TECTA: variants seen among roughly 807,000 people sequenced by gnomAD.
TECTA encodes alpha-tectorin.
A neutral mutation model predicts 216.8 loss-of-function variants in TECTA; 128 were observed. The observed-to-expected ratio is 0.59, with a 90% CI of 0.51 to 0.68. The LOEUF is 0.68. Ranked by LOEUF, TECTA falls within the 30% of genes least tolerant of loss-of-function variation. The probability of loss-of-function intolerance (pLI) is 0.00; values close to 1 mark genes in which losing one functional copy is unlikely to be tolerated. For synonymous variants in TECTA, 1,089 were observed against 1,117.1 expected, an observed-to-expected ratio of 0.97 and a Z score of 0.50; for missense variants, 2,551 against 2,786.2, an observed-to-expected ratio of 0.92 and a Z score of 1.90.
intron 13 of TECTA, 88 bp from the exon 14 acceptor site, chr11:121,157,753 G>A (rs2135119987): frequency 6.3e-7 from 1 of 1,598,238 alleles, no homozygotes; most frequent in East Asian, 2.2e-5. Context: ...GGCTAGCCAA[G>A]CCTGATAAAA....
rs147274543 is a variant in TECTA, at chr11:121,170,432, T to G, written c.5999+1507T>G. ...TTAGTGGGGTTTTTTTGTTTTGTTT[T>G]GTTTTGTTTGGTTTTGTTTTGTTTT... On this transcript the variant is annotated intron_variant, in intron 20 of 23. Transcript: ENST00000392793. Among the ~76,000 whole-genome samples the G allele has an allele frequency of 8.1e-3, 1,179 of 145,830 alleles. 22 individuals are homozygous for G. The highest frequency in any genetic ancestry group is 0.03 in the African/African-American group (1,058 of 35,696).
intron 4 of TECTA, among the ~76,000 whole-genome samples, chr11:121,110,992 C>T (rs985836165): frequency 2.6e-5 from 4 of 152,142 alleles, no homozygotes; most frequent in Non-Finnish European, 4.4e-5. Flanking sequence ...TCTTTCATCC[C>T]GTTATTCCAT....
At chr11:121,169,872 A>G (rs1947093749) in intron 20 of TECTA, among the ~76,000 whole-genome samples, 1 of 152,172 alleles carries the variant, frequency 6.6e-6, no homozygotes, top group African/African-American at 2.4e-5. Context: ...GGCATTTCAA[A>G]TCTTGTCTTC....
rs1403060921 is a variant in TECTA at position 121,105,009 on chromosome 11, G to A, written c.65-822G>A. 6.6e-6 allele frequency among the ~76,000 whole-genome samples: 1 copy of A among 152,170 alleles called. No homozygotes were observed. Among genetic ancestry groups the A allele is most frequent in the African/African-American group, 2.4e-5 (1 of 41,434 alleles). ...CAGTGATGCAGACCCTAGGGAACTT[G>A]TCTCATTTCTCCCACAAAACTGAGC... On this transcript the variant is annotated intron_variant, in intron 2 of 23. Coordinates refer to ENST00000392793, the MANE Select transcript of TECTA (RefSeq NM_005422.4). The surrounding 1 kb of genome is among the most constrained non-coding windows in gnomAD (Gnocchi z 5.3).
rs574165772 is a variant in TECTA at position 121,129,691 on chromosome 11, A to T, written c.2421A>T (p.Glu807Asp). ...TTTTCCATCCTTCGGGGAAGCTGGA[A>T]ATTTATCGAAACAAAAACAGTACGA... ...LPFFHPSGKL[E>D]IYRNKNSTTV... Residue 807 changes from glutamate (E) to aspartate (D), a missense_variant, in exon 10 of 24, where the codon GAA becomes GAT. Transcript: ENST00000392793. 2 of 1,614,192 alleles carry T rather than the reference A, an allele frequency of 1.2e-6. No individual in the cohort carries two copies. The highest frequency in any genetic ancestry group is 8.5e-7 in the Non-Finnish European group (1 of 1,180,044).
At chr11:121,186,739 T>A (rs141190881) in intron 20 of TECTA, among the ~76,000 whole-genome samples, 265 of 152,362 alleles carry the variant, frequency 1.7e-3, no homozygotes, top group African/African-American at 6.0e-3. Flanking sequence ...GAAGGATAAC[T>A]TCAATTTTTA....
chr11:121,141,667 C>G (rs1012735200), intron 11 of TECTA, among the ~76,000 whole-genome samples: 1 of 152,166 alleles, frequency 6.6e-6, no homozygotes, highest in African/African-American at 2.4e-5. Context: ...GGGAGGTTTT[C>G]AGGGCTCTAA....
chr11:121,179,456 C>T (rs73584909), intron 20 of TECTA, among the ~76,000 whole-genome samples: 1,686 of 152,142 alleles, frequency 0.011, 27 homozygotes, highest in African/African-American at 0.038. Flanking sequence ...GCCTAACATA[C>T]GGTCTATCTT....
chr11:121,135,697 G>A (rs905388718), intron 10 of TECTA, among the ~76,000 whole-genome samples: 8 of 152,294 alleles, frequency 5.3e-5, no homozygotes, highest in African/African-American at 1.7e-4. Context: ...AATGTCCTCC[G>A]TGTCCTTGGA....
Position 121,112,081 on chromosome 11 carries a change from A to C in TECTA, c.487-991A>C, listed in dbSNP as rs185611731. ...TGGGAAAAGTGCTAGGTTTGAATAGAAAAAGGTCAATGCAGCCTCTCCTTT... is the reference window on the plus strand; with the variant it reads ...TGGGAAAAGTGCTAGGTTTGAATAGCAAAAGGTCAATGCAGCCTCTCCTTT... On this transcript the variant is annotated intron_variant, in intron 4 of 23. Transcript: ENST00000392793. 2.6e-3 allele frequency among the ~76,000 whole-genome samples: 399 copies of C among 152,316 alleles called. 2 individuals are homozygous for C. Among genetic ancestry groups the C allele is most frequent in the Non-Finnish European group, 4.3e-3 (293 of 68,024 alleles).
rs760919479 is a variant in TECTA at position 121,153,082 on chromosome 11, T to G, written c.4305+2T>G. On this transcript the variant is annotated splice_donor_variant, in intron 13 of 23. Transcript: ENST00000392793. LOFTEE classifies it high-confidence loss of function. ...TACTCCGATGGCAAATATTACGAGG[T>G]ATGGGAGGCCAGCCCGGCCTTTTCC... 1.9e-6 allele frequency: 3 copies of G among 1,612,828 alleles called. No individual in the cohort carries two copies. Among genetic ancestry groups the G allele is most frequent in the Non-Finnish European group, 2.5e-6 (3 of 1,179,544 alleles).
Position 121,153,068 on chromosome 11 carries a change from CAAATATTACGAGGT to C in TECTA, c.4295_4305+3del. On this transcript the variant is annotated splice_donor_variant and coding_sequence_variant, in exon 13 of 24. Transcript: ENST00000392793. LOFTEE classifies it high-confidence loss of function. ...ACAGCTGCGGCTGCTACTCCGATGG[CAAATATTACGAGGT>C]ATGGGAGGCCAGCCCGGCCTTTTCC... 3 of 1,613,810 alleles carry C rather than the reference CAAATATTACGAGGT, an allele frequency of 1.9e-6. No homozygotes were observed. The highest frequency in any genetic ancestry group is 2.5e-6 in the Non-Finnish European group (3 of 1,179,888).
intron 10 of TECTA, 126 bp downstream of exon 10, chr11:121,130,337 C>A: frequency 9.5e-7 from 1 of 1,051,206 alleles, no homozygotes; most frequent in Non-Finnish European, 1.4e-6. Context: ...CTGTGTATAC[C>A]TACCCTAGTC....
chr11:121,146,020 G>T lies in TECTA; in HGVS notation c.4009G>T (p.Ala1337Ser). The T allele has an allele frequency of 6.2e-7, 1 of 1,614,020 alleles. No individual in the cohort carries two copies. Among genetic ancestry groups the T allele is most frequent in the Non-Finnish European group, 8.5e-7 (1 of 1,180,058 alleles). The change falls in exon 12 of 24, where the codon GCG becomes TCG. Residue 1337 changes from alanine to serine, a missense_variant. Around this residue, in one of 3 missense-constraint regions of TECTA, gnomAD observed 2,375 missense variants for 2,563.9 expected, o/e 0.93. Transcript: ENST00000392793. ...GTTTGACTCTTGCATCGATGGGGGC[G>T]CGGTGCAGACCGCCTGCAGCTGGCT... ...CLFDSCIDGG[A>S]VQTACSWLQN...
intron 4 of TECTA, chr11:121,110,223 T>A (rs755578459): frequency 2.7e-4 from 41 of 152,814 alleles, no homozygotes; most frequent in Non-Finnish European, 4.5e-4. Context: ...GCCTGCAGCT[T>A]GTTTGGGTGA....
chr11:121,162,501 A>G (rs1947011351), intron 16 of TECTA, 131 bp downstream of exon 16: 1 of 1,252,486 alleles, frequency 8.0e-7, no homozygotes, highest in South Asian at 1.4e-5. Flanking sequence ...AGGATTGGAT[A>G]GTAGAGAGCT....
chr11:121,136,595 T>A (rs1165627697), intron 10 of TECTA, among the ~76,000 whole-genome samples: 2 of 152,084 alleles, frequency 1.3e-5, no homozygotes, highest in Non-Finnish European at 2.9e-5. Flanking sequence ...TCTTGATAGA[T>A]TAGATTATTA....
At chr11:121,160,965 T>C (rs578135788) in intron 15 of TECTA, among the ~76,000 whole-genome samples, 2 of 152,312 alleles carry the variant, frequency 1.3e-5, no homozygotes, top group East Asian at 3.9e-4. Context: ...CTAAAGAAGT[T>C]ATTCCAAAGG....
chr11:121,179,796 C>T (rs974931337), intron 20 of TECTA, among the ~76,000 whole-genome samples: 4 of 152,022 alleles, frequency 2.6e-5, no homozygotes, highest in African/African-American at 9.7e-5. Context: ...CTTTTTACAG[C>T]CTTTGACTTA....
Sources: allele counts gnomAD v4.1 joint callset (sites outside exome capture counted in the v4.1 genomes callset), GRCh38; gene constraint gnomAD v4.1.1; regional missense constraint gnomAD v4.1.1; non-coding constraint Gnocchi (gnomAD v3.1); transcripts MANE v1.5; gene names NCBI Gene and HGNC (gene_info 2026-07-23, HGNC 2026-07-21).